MDGA2: variants seen among roughly 807,000 people sequenced by gnomAD.
The protein encoded by MDGA2 is MAM domain containing glycosylphosphatidylinositol anchor 2.
A neutral mutation model predicts 117.8 loss-of-function variants in MDGA2; 40 were observed. The observed-to-expected ratio is 0.34, with a 90% CI of 0.26 to 0.44. MDGA2 has a LOEUF of 0.44. MDGA2 is among the 20% of genes least tolerant of loss of function. The pLI is 1.00. For missense variants in MDGA2, 1,123 were observed against 1,250.6 expected, an observed-to-expected ratio of 0.90 and a Z score of 1.54; for synonymous variants, 452 against 439.0, an observed-to-expected ratio of 1.03 and a Z score of -0.37.
chr14:47,457,822 T>TG (rs1169490398), intron 1 of MDGA2, among the ~76,000 whole-genome samples: 3 of 148,112 alleles, frequency 2.0e-5, no homozygotes, highest in Non-Finnish European at 4.5e-5. Context: ...GTTTTTTTTT[T>TG]TTGTTTGTTT....
intron 2 of MDGA2, among the ~76,000 whole-genome samples, chr14:47,221,103 A>T (rs1671095930): frequency 6.6e-6 from 1 of 151,952 alleles, no homozygotes; most frequent in Non-Finnish European, 1.5e-5. Flanking sequence ...TACAATTTAA[A>T]TACTAAATAA....
intron 1 of MDGA2, among the ~76,000 whole-genome samples, chr14:47,457,067 A>G (rs1893370289): frequency 6.6e-6 from 1 of 152,218 alleles, no homozygotes; most frequent in East Asian, 1.9e-4. Flanking sequence ...GATAAAGCAC[A>G]TATGAGCCAA....
chr14:47,303,140 T>C (rs527652047), intron 1 of MDGA2, among the ~76,000 whole-genome samples: 1 of 152,268 alleles, frequency 6.6e-6, no homozygotes, highest in Non-Finnish European at 1.5e-5. Flanking sequence ...ACCTGATATA[T>C]CTGCAGGAAT....
intron 1 of MDGA2, among the ~76,000 whole-genome samples, chr14:47,473,956 A>G (rs975149157): frequency 2.0e-5 from 3 of 152,196 alleles, no homozygotes; most frequent in African/African-American, 7.2e-5. Flanking sequence ...CTCCTATTCA[A>G]CATAGTACTG....
At chr14:47,469,242 G>C (rs916747476) in intron 1 of MDGA2, among the ~76,000 whole-genome samples, 3 of 151,782 alleles carry the variant, frequency 2.0e-5, no homozygotes, top group African/African-American at 7.3e-5. Flanking sequence ...TGCCATGTTG[G>C]TGTGCTGCAC....
chr14:47,302,780 T>C lies in MDGA2; in HGVS notation c.281-1230A>G, dbSNP rs1242717338. ...TCAATATCTACTATTTTGTTTTATA[T>C]AACATAAATGCACAGTCTACCCATA... is the stretch of plus-strand genomic sequence containing the variant. On this transcript the variant is annotated intron_variant, in intron 1 of 16. Coordinates refer to ENST00000399232, the MANE Select transcript of MDGA2 (RefSeq NM_001113498.3). 2.6e-5 allele frequency among the ~76,000 whole-genome samples: 4 copies of C among 152,196 alleles called. No homozygotes were observed. The East Asian group carries it at 5.8e-4, about 22-fold the overall frequency.
chr14:46,968,881 T>C (rs1236152581), intron 8 of MDGA2, among the ~76,000 whole-genome samples: 1 of 148,424 alleles, frequency 6.7e-6, no homozygotes, highest in Non-Finnish European at 1.5e-5. Context: ...ATAAATTCAG[T>C]AACGTTGCAG....
chr14:46,900,408 G>C (rs1026504096), intron 10 of MDGA2, among the ~76,000 whole-genome samples: 2 of 152,108 alleles, frequency 1.3e-5, no homozygotes, highest in Non-Finnish European at 2.9e-5. Context: ...ACTTGTACAT[G>C]AATGCTTATA....
At position 47,094,356 on chromosome 14, in the gene MDGA2, G is replaced by A. The variant is rs545597880; in HGVS notation, c.1195+2498C>T. On this transcript the variant is annotated intron_variant, in intron 6 of 16. Transcript: ENST00000399232. ...TTTCAGGTCTTTCATGTCAAAGTTG[G>A]AAACTTTCTTTTGTAAGGATACAGG... 9.7e-4 allele frequency among the ~76,000 whole-genome samples: 147 copies of A among 152,096 alleles called. 1 individual carries two copies. Among genetic ancestry groups the A allele is most frequent in the African/African-American group, 3.4e-3 (143 of 41,534 alleles).
rs949386247 is a variant in MDGA2 at position 47,226,780 on chromosome 14, T to C, written c.421-8585A>G. Among the ~76,000 whole-genome samples, 5 of 152,250 alleles carry C rather than the reference T, an allele frequency of 3.3e-5. No individual in the cohort carries two copies. The East Asian group carries it at 9.7e-4, about 29-fold the overall frequency. ...TCGGTCTCTTTAAAAGTTTACAAAA[T>C]GTTATTGTTCCATCCTCTGATTTTA... On this transcript the variant is annotated intron_variant, in intron 2 of 16. Coordinates refer to ENST00000399232, the MANE Select transcript of MDGA2 (RefSeq NM_001113498.3).
intron 2 of MDGA2, among the ~76,000 whole-genome samples, chr14:47,292,964 G>A (rs72682152): frequency 0.091 from 13,866 of 152,090 alleles, 783 homozygotes; most frequent in Non-Finnish European, 0.11. Flanking sequence ...TATCTATATT[G>A]AGTCTGTTGG....
chr14:47,185,980 A>G (rs974127418), intron 3 of MDGA2, among the ~76,000 whole-genome samples: 2 of 151,656 alleles, frequency 1.3e-5, no homozygotes, highest in Non-Finnish European at 3.0e-5. Context: ...TGCTATATGC[A>G]AGCTTAATAC....
chr14:47,636,919 C>G (rs1284146152), intron 1 of MDGA2, among the ~76,000 whole-genome samples: 2 of 150,610 alleles, frequency 1.3e-5, no homozygotes. Flanking sequence ...TTACAGTGAG[C>G]TGAGATCATG....
At chr14:47,434,873 T>G (rs1022208539) in intron 1 of MDGA2, among the ~76,000 whole-genome samples, 11 of 152,118 alleles carry the variant, frequency 7.2e-5, no homozygotes, top group Non-Finnish European at 1.6e-4. Context: ...CGGTGGCTTA[T>G]GCCTGTAATC....
At chr14:47,285,591 G>A (rs903857394) in intron 2 of MDGA2, among the ~76,000 whole-genome samples, 1 of 152,086 alleles carries the variant, frequency 6.6e-6, no homozygotes, top group African/African-American at 2.4e-5. Context: ...TGACTGAAGG[G>A]CTTTAATAGC....
intron 6 of MDGA2, among the ~76,000 whole-genome samples, chr14:47,089,951 T>C (rs1879541662): frequency 1.3e-5 from 2 of 152,142 alleles, no homozygotes; most frequent in Admixed American, 6.5e-5. Flanking sequence ...TGGTACACAA[T>C]AAGTGCTCAA....
intron 14 of MDGA2, among the ~76,000 whole-genome samples, chr14:46,870,625 C>T (rs927249454): frequency 7.2e-5 from 11 of 151,842 alleles, no homozygotes; most frequent in African/African-American, 2.4e-4. Context: ...ACCTGATACC[C>T]AGCCTGCAAC....
At chr14:47,342,958 A>G in intron 1 of MDGA2, 1 of 622,144 alleles carries the variant, frequency 1.6e-6, no homozygotes, top group Non-Finnish European at 2.6e-6. Flanking sequence ...AAGTCACAGT[A>G]GTAGGAGGAA....
chr14:46,989,311 T>G (rs931888853), intron 8 of MDGA2, among the ~76,000 whole-genome samples: 1 of 147,390 alleles, frequency 6.8e-6, no homozygotes, highest in Non-Finnish European at 1.5e-5. Context: ...CAGAAAAGGA[T>G]AGCTGCACTG....
Sources: gnomAD v4.1 joint callset for allele counts (sites outside exome capture counted in the v4.1 genomes callset) on GRCh38, gnomAD v4.1.1 for gene constraint, MANE v1.5 for transcripts, NCBI Gene and HGNC (gene_info 2026-07-23, HGNC 2026-07-21) for gene names.